The following CCSER1 variants were observed in gnomAD, a reference collection of about 807,000 sequenced individuals.
The protein encoded by CCSER1 is serine-rich coiled-coil domain-containing protein 1.
In CCSER1, 41 loss-of-function variants were observed where a neutral mutation model predicts 82.0. The ratio of observed to expected loss-of-function variants is 0.50; its 90% CI spans 0.39 to 0.65. The LOEUF (loss-of-function observed/expected upper bound fraction) is 0.65. Ranked by LOEUF, CCSER1 falls within the 30% of genes least tolerant of loss-of-function variation. The pLI, the probability that CCSER1 is intolerant of heterozygous loss-of-function variation, is 0.00. For missense variants in CCSER1, 1,119 were observed against 1,064.2 expected, an observed-to-expected ratio of 1.05 and a Z score of -0.72; for synonymous variants, 414 against 383.9, an observed-to-expected ratio of 1.08 and a Z score of -0.92.
chr4:91,415,893 C>A (rs1208078847), intron 10 of CCSER1, among the ~76,000 whole-genome samples: 1 of 151,926 alleles, frequency 6.6e-6, no homozygotes, highest in African/African-American at 2.4e-5. Context: ...TGTATCTCTG[C>A]CAGGTTTTGG....
chr4:91,145,240 G>T (rs1729427768), intron 10 of CCSER1, among the ~76,000 whole-genome samples: 1 of 152,002 alleles, frequency 6.6e-6, no homozygotes, highest in Non-Finnish European at 1.5e-5. Context: ...TATTGCCATT[G>T]GTTTAAAGTA....
At chr4:90,422,592 C>T (rs930141771) in intron 4 of CCSER1, among the ~76,000 whole-genome samples, 1 of 152,048 alleles carries the variant, frequency 6.6e-6, no homozygotes, top group Non-Finnish European at 1.5e-5. Flanking sequence ...GAGTCTCTCT[C>T]TCTCTCTCTT....
At chr4:91,503,257 G>C (rs1331267362) in intron 10 of CCSER1, among the ~76,000 whole-genome samples, 2 of 151,560 alleles carry the variant, frequency 1.3e-5, no homozygotes, top group Non-Finnish European at 2.9e-5. Flanking sequence ...CAGGAGAATG[G>C]AGTGAACCCG....
At chr4:91,562,994 A>G (rs1326636749) in intron 10 of CCSER1, among the ~76,000 whole-genome samples, 1 of 151,640 alleles carries the variant, frequency 6.6e-6, no homozygotes, top group Non-Finnish European at 1.5e-5. Context: ...AAAAAGTCAT[A>G]ATTTTAAACC....
At chr4:91,246,899 A>G (rs577259660) in intron 10 of CCSER1, among the ~76,000 whole-genome samples, 6 of 152,076 alleles carry the variant, frequency 3.9e-5, no homozygotes, top group African/African-American at 1.2e-4. Context: ...CAATATTTGC[A>G]TTAGGGCCAT....
chr4:91,405,718 C>A lies in CCSER1; in HGVS notation c.2218-192854C>A, dbSNP rs190848921. Among the ~76,000 whole-genome samples, 30 of 152,284 alleles carry A rather than the reference C, an allele frequency of 2.0e-4. No individual in the cohort carries two copies. The East Asian group carries it at 5.8e-3, about 29-fold the overall frequency. ...CTCCTGGTGTGCCATTTGCTAAGAC[C>A]GTTGGAAAAGCACAGTATTAGGGTA... On this transcript the variant is annotated intron_variant, in intron 10 of 10. Coordinates refer to ENST00000509176, the MANE Select transcript of CCSER1 (RefSeq NM_001145065.2).
intron 1 of CCSER1, among the ~76,000 whole-genome samples, chr4:90,274,538 GT>G (rs757730423): frequency 3.2e-4 from 49 of 152,144 alleles, no homozygotes; most frequent in Admixed American, 7.2e-4. Context: ...CTCCAGTAAA[GT>G]TTTTAGAATT....
chr4:90,207,598 G>A (rs534894481), intron 1 of CCSER1, among the ~76,000 whole-genome samples: 2 of 152,104 alleles, frequency 1.3e-5, no homozygotes, highest in Admixed American at 6.6e-5. Context: ...AATTTTCAGC[G>A]TTTTTGTGCT....
chr4:90,754,446 T>G (rs1231733321), intron 7 of CCSER1, among the ~76,000 whole-genome samples: 2 of 152,172 alleles, frequency 1.3e-5, no homozygotes, highest in Admixed American at 1.3e-4. Context: ...GTGATGATAC[T>G]CAGTTATCTG....
chr4:90,604,427 A>T (rs1784378940), intron 5 of CCSER1, among the ~76,000 whole-genome samples: 1 of 152,202 alleles, frequency 6.6e-6, no homozygotes, highest in African/African-American at 2.4e-5. Flanking sequence ...ACTTTTGAGC[A>T]ATTCAATTCA....
intron 5 of CCSER1, among the ~76,000 whole-genome samples, chr4:90,549,664 C>A (rs6835533): frequency 0.17 from 25,816 of 151,782 alleles, 2,353 homozygotes; most frequent in African/African-American, 0.21. Context: ...GGTAAGAGAA[C>A]CTTTTGAATG....
intron 1 of CCSER1, among the ~76,000 whole-genome samples, chr4:90,142,415 C>T (rs975642359): frequency 2.0e-5 from 3 of 152,188 alleles, no homozygotes; most frequent in Non-Finnish European, 2.9e-5. Context: ...GTCTGTTCTG[C>T]AACAATGCAT....
chr4:91,441,774 C>G (rs896983662), intron 10 of CCSER1, among the ~76,000 whole-genome samples: 2 of 152,288 alleles, frequency 1.3e-5, no homozygotes, highest in African/African-American at 4.8e-5. Context: ...TCAGCAAAGT[C>G]TCAGGATACA....
chr4:90,190,995 G>A (rs2153396333), intron 1 of CCSER1, among the ~76,000 whole-genome samples: 1 of 152,114 alleles, frequency 6.6e-6, no homozygotes, highest in African/African-American at 2.4e-5. Flanking sequence ...TCTTTAAAAA[G>A]TCAAAACAAT....
At chr4:90,503,362 A>G (rs1770196907) in intron 5 of CCSER1, among the ~76,000 whole-genome samples, 1 of 152,208 alleles carries the variant, frequency 6.6e-6, no homozygotes, top group Non-Finnish European at 1.5e-5. Flanking sequence ...ATACTTAAAT[A>G]AGAAAACTTG....
intron 10 of CCSER1, among the ~76,000 whole-genome samples, chr4:91,404,327 G>C (rs1023070705): frequency 4.0e-5 from 6 of 151,616 alleles, no homozygotes; most frequent in African/African-American, 1.2e-4. Context: ...CAATTTTGTT[G>C]ATGTTTTCAA....
chr4:91,079,033 A>G (rs1722367322), intron 9 of CCSER1, among the ~76,000 whole-genome samples: 1 of 152,238 alleles, frequency 6.6e-6, no homozygotes, highest in Non-Finnish European at 1.5e-5. Flanking sequence ...AACTTCCCCA[A>G]CATAGCGAGG....
chr4:91,040,462 T>C (rs780358727), intron 9 of CCSER1, among the ~76,000 whole-genome samples: 29 of 152,166 alleles, frequency 1.9e-4, no homozygotes, highest in Non-Finnish European at 3.8e-4. Flanking sequence ...CACTCTATAC[T>C]GAGTGTATAT....
intron 3 of CCSER1, among the ~76,000 whole-genome samples, chr4:90,342,016 G>A (rs373070422): frequency 2.6e-5 from 4 of 152,224 alleles, no homozygotes; most frequent in Non-Finnish European, 5.9e-5. Context: ...TTGAGGTACC[G>A]AAAATCTGGA....
Sources: allele counts gnomAD v4.1 joint callset (sites outside exome capture counted in the v4.1 genomes callset), GRCh38; gene constraint gnomAD v4.1.1; transcripts MANE v1.5; gene names NCBI Gene and HGNC (gene_info 2026-07-23, HGNC 2026-07-21).